CAPN13: variants seen among roughly 807,000 people sequenced by gnomAD.
CAPN13 encodes calpain-13.
In CAPN13, 90 loss-of-function variants were observed where a neutral mutation model predicts 98.4. The observed-to-expected ratio is 0.92, with a 90% CI of 0.77 to 1.09. The LOEUF (loss-of-function observed/expected upper bound fraction) is 1.09, where lower values mean the gene tolerates loss of function less well. Among genes scored for constraint, CAPN13 ranks in the 50% least tolerant of loss-of-function variants. CAPN13 has a pLI of 0.00. For synonymous variants in CAPN13, 330 were observed against 305.5 expected, an observed-to-expected ratio of 1.08 and a Z score of -0.84; for missense variants, 887 against 841.3, an observed-to-expected ratio of 1.05 and a Z score of -0.67.
intron 1 of CAPN13, among the ~76,000 whole-genome samples, chr2:30,802,075 T>G (rs1675314555): frequency 6.6e-6 from 1 of 152,166 alleles, no homozygotes; most frequent in Admixed American, 6.5e-5. Context: ...GGCATCCCAG[T>G]CTGTGCCTGG....
chr2:30,779,855 T>TG (rs1360761726), intron 2 of CAPN13, among the ~76,000 whole-genome samples: 1 of 152,148 alleles, frequency 6.6e-6, no homozygotes, highest in African/African-American at 2.4e-5. Flanking sequence ...TAATGGTTTT[T>TG]GCCATTACTT....
At position 30,725,133 on chromosome 2, in the gene CAPN13, C is replaced by T. The variant is rs111384246; in HGVS notation, c.*31-1897G>A. Among the ~76,000 whole-genome samples the T allele has an allele frequency of 5.6e-3, 850 of 151,804 alleles. 9 individuals carry two copies. Among genetic ancestry groups the T allele is most frequent in the African/African-American group, 0.019 (795 of 41,260 alleles). On this transcript the variant is annotated intron_variant, in intron 22 of 22. Transcript: ENST00000295055. ...AAACTCTCAGCAGGGTGTGATTTGCCGTGTATTAAACCTCTAGACTCTGAA... is the reference window on the plus strand; with the variant it reads ...AAACTCTCAGCAGGGTGTGATTTGCTGTGTATTAAACCTCTAGACTCTGAA...
chr2:30,785,528 C>T (rs944720227), intron 2 of CAPN13, among the ~76,000 whole-genome samples: 1 of 152,182 alleles, frequency 6.6e-6, no homozygotes, highest in Admixed American at 6.5e-5. Flanking sequence ...AAAGCAGATT[C>T]GGCCCCTGGC....
At chr2:30,741,641 A>G in intron 15 of CAPN13, 1 of 1,277,056 alleles carries the variant, frequency 7.8e-7, no homozygotes, top group Non-Finnish European at 9.9e-7. Context: ...AGGGCAATGC[A>G]CCTCACACCC....
intron 19 of CAPN13, among the ~76,000 whole-genome samples, chr2:30,732,841 G>A (rs1044700157): frequency 2.6e-5 from 4 of 152,188 alleles, no homozygotes; most frequent in Non-Finnish European, 5.9e-5. Flanking sequence ...CACGTAATGG[G>A]AGAGCTGCTG....
intron 3 of CAPN13, 84 bp from the exon 4 acceptor site, chr2:30,776,129 A>G (rs1673678354): frequency 1.2e-6 from 1 of 805,844 alleles, no homozygotes; most frequent in African/African-American, 1.8e-5. Flanking sequence ...TTACCACCAG[A>G]GGCTACACAA....
chr2:30,758,007 G>A (rs777794228), intron 8 of CAPN13, 39 bp downstream of exon 8: 36 of 1,495,958 alleles, frequency 2.4e-5, no homozygotes, highest in South Asian at 1.1e-4. Flanking sequence ...GACACCAAGC[G>A]CTCTGTGAAG....
intron 17 of CAPN13, chr2:30,737,999 ACACACACC>A: frequency 3.6e-6 from 2 of 551,524 alleles, no homozygotes; most frequent in Non-Finnish European, 6.6e-6. Flanking sequence ...ACACACACAC[ACACACACC>A]CCAGTACACT....
At position 30,787,140 on chromosome 2, in the gene CAPN13, C is replaced by T. The variant is rs200365307; in HGVS notation, c.186G>A (p.Trp62Ter). The change falls in exon 2 of 23, where the codon TGG becomes TGA. Residue 62 changes from tryptophan to a stop codon, truncating the protein, a stop_gained. Coordinates refer to ENST00000295055, the MANE Select transcript of CAPN13 (RefSeq NM_144575.3). LOFTEE classifies it high-confidence loss of function. ...LQEKRLSNVI[W>*]KRPQDLPGGP... ...GGGGCTCACTCACCTGTGGCCGCTT[C>T]CATATCACATTGGAGAGGCGTTTTT... 7 of 1,566,792 alleles carry T rather than the reference C, an allele frequency of 4.5e-6. No homozygotes were observed. Among genetic ancestry groups the T allele is most frequent in the Admixed American group, 3.8e-5 (2 of 53,124 alleles).
chr2:30,771,438 T>C (rs60429363), intron 4 of CAPN13, among the ~76,000 whole-genome samples: 1,671 of 152,276 alleles, frequency 0.011, 38 homozygotes, highest in African/African-American at 0.037. Context: ...GAGATGGAGA[T>C]TGAGACAGAT....
chr2:30,752,985 C>G (rs757018607), intron 10 of CAPN13, 68 bp downstream of exon 10: 11 of 1,554,790 alleles, frequency 7.1e-6, no homozygotes, highest in Non-Finnish European at 8.8e-6. Flanking sequence ...AGAGCTGAAG[C>G]CATGCAAGGG....
intron 1 of CAPN13, among the ~76,000 whole-genome samples, chr2:30,800,848 A>G (rs1675227979): frequency 6.6e-6 from 1 of 152,190 alleles, no homozygotes; most frequent in African/African-American, 2.4e-5. Context: ...GAGTAGACTC[A>G]ACTATATTCT....
chr2:30,730,859 C>A, intron 21 of CAPN13, 73 bp from the exon 22 acceptor site: 1 of 775,336 alleles, frequency 1.3e-6, no homozygotes, highest in East Asian at 2.4e-5. Context: ...GCAAATGCCA[C>A]CCTCCTCCCT....
At chr2:30,740,082 GTTTTTTT>G (rs143581068) in intron 15 of CAPN13, among the ~76,000 whole-genome samples, 3 of 121,408 alleles carry the variant, frequency 2.5e-5, no homozygotes, top group African/African-American at 3.1e-5. Flanking sequence ...ATTGTATTAG[GTTTTTTT>G]TTTTTTTTTT....
Sources: allele counts gnomAD v4.1 joint callset (sites outside exome capture counted in the v4.1 genomes callset), GRCh38; gene constraint gnomAD v4.1.1; transcripts MANE v1.5; gene names NCBI Gene and HGNC (gene_info 2026-07-23, HGNC 2026-07-21).